Variants in FAP observed in about 807,000 individuals in gnomAD.
The protein encoded by FAP is fibroblast activation protein alpha, also known as prolyl endopeptidase FAP.
In FAP, 110 loss-of-function variants were observed where a neutral mutation model predicts 126.5. That is an observed-to-expected ratio of 0.87 (90% CI 0.74 to 1.02). The LOEUF (loss-of-function observed/expected upper bound fraction) is 1.02, where lower values mean the gene tolerates loss of function less well. Among genes scored for constraint, FAP ranks in the 50% least tolerant of loss-of-function variants. The probability of loss-of-function intolerance (pLI) is 0.00; values close to 1 mark genes in which losing one functional copy is unlikely to be tolerated. For synonymous variants in FAP, 334 were observed against 297.3 expected (o/e 1.12, Z -1.27); for missense variants, 919 against 909.2 (o/e 1.01, Z -0.14).
In FAP at chr2:162,243,245, A is replaced by T. The variant is rs1401549197; in HGVS notation, c.6+77T>A. ...CTTATGTACAAATCTTCACCTTCTA[A>T]ACAATAGAAAACTCTGATCACGTTC... On this transcript the variant is annotated intron_variant, in intron 1 of 25. Transcript: ENST00000188790. The T allele has an allele frequency of 1.9e-5, 22 of 1,170,646 alleles. No homozygotes were observed. In the East Asian group the frequency reaches 5.1e-4, roughly 27 times the overall value. The allele number at this position is 1,170,646 out of a possible 1,614,324, so 72.5% of individuals were successfully genotyped here.
At chr2:162,204,863 C>T (rs1184831575) in intron 12 of FAP, among the ~76,000 whole-genome samples, 1 of 152,192 alleles carries the variant, frequency 6.6e-6, no homozygotes, top group Non-Finnish European at 1.5e-5. Flanking sequence ...TAACCTGAGG[C>T]TGTCTCTATA....
intron 20 of FAP, among the ~76,000 whole-genome samples, chr2:162,187,385 C>T (rs1044513237): frequency 4.6e-5 from 7 of 151,982 alleles, no homozygotes; most frequent in Non-Finnish European, 8.8e-5. Flanking sequence ...AATTAGCCTG[C>T]TACCTTTTAA....
chr2:162,198,697 T>C (rs540531517), intron 16 of FAP, 60 bp downstream of exon 16: 5 of 1,590,768 alleles, frequency 3.1e-6, no homozygotes, highest in African/African-American at 1.3e-5. Context: ...CAGATAGAGG[T>C]GAGGAGGATG....
At chr2:162,191,985 C>G (rs966983376) in intron 17 of FAP, among the ~76,000 whole-genome samples, 2 of 152,138 alleles carry the variant, frequency 1.3e-5, no homozygotes, top group African/African-American at 2.4e-5. Flanking sequence ...TTACCTGTCT[C>G]TGATCTTCAT....
intron 17 of FAP, among the ~76,000 whole-genome samples, chr2:162,191,160 A>G (rs1224142412): frequency 3.3e-5 from 5 of 152,018 alleles, no homozygotes; most frequent in Non-Finnish European, 7.4e-5. Flanking sequence ...ACTGATTACT[A>G]TTTGTATTAT....
At chr2:162,213,619 CTG>C (rs1308711487) in intron 11 of FAP, among the ~76,000 whole-genome samples, 2 of 152,018 alleles carry the variant, frequency 1.3e-5, no homozygotes, top group South Asian at 4.2e-4. Context: ...TTTTATTGGA[CTG>C]CCAATGTTAT....
chr2:162,192,449 C>T (rs1274033743), intron 17 of FAP, among the ~76,000 whole-genome samples: 1 of 152,080 alleles, frequency 6.6e-6, no homozygotes, highest in Non-Finnish European at 1.5e-5. Flanking sequence ...TTCTTGGTCT[C>T]CTCTCCAGGC....
intron 2 of FAP, among the ~76,000 whole-genome samples, chr2:162,239,040 A>G (rs78030689): frequency 0.011 from 1,701 of 152,296 alleles, 29 homozygotes; most frequent in African/African-American, 0.039. Flanking sequence ...TCACAATTAC[A>G]TATGTATATA....
In FAP at chr2:162,197,307, C is replaced by G. The variant is rs574567022; in HGVS notation, c.1402+1450G>C. Among the ~76,000 whole-genome samples, 3 of 152,242 alleles carry G rather than the reference C, an allele frequency of 2.0e-5. No individual in the cohort carries two copies. In the South Asian group the frequency reaches 6.2e-4, roughly 32 times the overall value. ...TTAAAAGAATGTAGCCCCTGCCTTC[C>G]AGGAGAAAAAGATAGATAAACAGAT... On this transcript the variant is annotated intron_variant, in intron 16 of 25. Coordinates refer to ENST00000188790, the MANE Select transcript of FAP (RefSeq NM_004460.5).
rs771283560 is a variant in FAP at position 162,198,770 on chromosome 2, T to G, written c.1389A>C (p.Ala463=). The G allele has an allele frequency of 6.2e-7, 1 of 1,614,018 alleles. No homozygotes were observed. Among genetic ancestry groups the G allele is most frequent in the Non-Finnish European group, 8.5e-7 (1 of 1,179,982 alleles). The part of the protein sequence containing the change: ...ASFSDYAKYY[A]LVCYGPGIPI... ...TCCGTTACCTACCGTAGCAGACAAG[T>G]GCATAGTACTTGGCGTAGTCGCTGA... The change falls in exon 16 of 26, where the codon GCA becomes GCC. Residue 463 remains alanine (A), a synonymous_variant. Transcript: ENST00000188790.
intron 10 of FAP, 77 bp downstream of exon 10, chr2:162,215,821 T>C: frequency 1.0e-6 from 1 of 977,336 alleles, no homozygotes; most frequent in Admixed American, 2.1e-5. Context: ...TACTTATTTG[T>C]TTTTGCTTCT....
intron 21 of FAP, among the ~76,000 whole-genome samples, chr2:162,179,521 A>G (rs2106217233): frequency 6.6e-6 from 1 of 152,250 alleles, no homozygotes; most frequent in East Asian, 1.9e-4. Flanking sequence ...CATTCCTTTG[A>G]TGAACTTACA....
intron 16 of FAP, among the ~76,000 whole-genome samples, chr2:162,195,732 A>C (rs1407256318): frequency 2.0e-5 from 3 of 152,186 alleles, no homozygotes; most frequent in Admixed American, 2.0e-4. Flanking sequence ...TTAAAAACAA[A>C]TTATTCCTTA....
intron 21 of FAP, among the ~76,000 whole-genome samples, chr2:162,181,733 G>A (rs1177322450): frequency 1.3e-5 from 2 of 152,150 alleles, no homozygotes; most frequent in African/African-American, 4.8e-5. Flanking sequence ...CCACAAGAGG[G>A]CCAGGACTAC....
chr2:162,234,099 C>T (rs4664050), intron 2 of FAP, among the ~76,000 whole-genome samples: 5,387 of 152,270 alleles, frequency 0.035, 469 homozygotes, highest in Admixed American at 0.21. Context: ...ACTGTCTTGA[C>T]TACGGAGCTT....
At chr2:162,229,613 A>G (rs1689808129) in intron 2 of FAP, among the ~76,000 whole-genome samples, 1 of 152,164 alleles carries the variant, frequency 6.6e-6, no homozygotes, top group African/African-American at 2.4e-5. Context: ...AACAGTTTCA[A>G]ATTACTTTTT....
intron 11 of FAP, among the ~76,000 whole-genome samples, chr2:162,213,202 C>A (rs1380609373): frequency 3.3e-5 from 5 of 151,512 alleles, no homozygotes; most frequent in Admixed American, 6.6e-5. Context: ...ATGGTGAAAC[C>A]CCGTGTCTAC....
intron 11 of FAP, among the ~76,000 whole-genome samples, chr2:162,212,188 T>C (rs895749730): frequency 6.6e-6 from 1 of 152,238 alleles, no homozygotes; most frequent in South Asian, 2.1e-4. Context: ...TTTTGATAAA[T>C]TAGAATTTCA....
rs768018929 is a variant in FAP at position 162,213,978 on chromosome 2, C to T, written c.962G>A (p.Cys321Tyr). 11 of 1,613,950 alleles carry T rather than the reference C, an allele frequency of 6.8e-6. No homozygotes were observed. Among genetic ancestry groups the T allele is most frequent in the Admixed American group, 5.0e-5 (3 of 60,002 alleles). Residue 321 changes from cysteine (C) to tyrosine (Y), a missense_variant, in exon 11 of 26, where the codon TGT (cysteine) becomes TAT (tyrosine). Transcript: ENST00000188790. ...TGTCTGCCAGTCTTCCCTGAAGTCACATATAGACAGGACCGAAACATTCTG... is the reference window on the plus strand; with the variant it reads ...TGTCTGCCAGTCTTCCCTGAAGTCATATATAGACAGGACCGAAACATTCTG... ...RVQNVSVLSI[C>Y]DFREDWQTWD...
Sources: allele counts gnomAD v4.1 joint callset (sites outside exome capture counted in the v4.1 genomes callset), GRCh38; gene constraint gnomAD v4.1.1; transcripts MANE v1.5; gene names NCBI Gene and HGNC (gene_info 2026-07-23, HGNC 2026-07-21).